Variants in ATP9A observed in about 807,000 individuals in gnomAD.
The protein encoded by ATP9A is ATPase phospholipid transporting 9A.
ATP9A carries 52 observed loss-of-function variants against 144.1 expected under a neutral mutation model. That is an observed-to-expected ratio of 0.36 (90% CI 0.29 to 0.45). ATP9A has a LOEUF of 0.45. Among genes scored for constraint, ATP9A ranks in the 20% least tolerant of loss-of-function variants. ATP9A has a pLI of 1.00. For missense variants in ATP9A, 947 were observed against 1,392.7 expected (o/e 0.68, Z 5.09); for synonymous variants, 582 against 557.4 (o/e 1.04, Z -0.62).
At chr20:51,695,989 G>A in intron 6 of ATP9A, 104 bp downstream of exon 6, 4 of 1,071,462 alleles carry the variant, frequency 3.7e-6, no homozygotes, top group Non-Finnish European at 5.6e-6. Flanking sequence ...TGCCTCCATG[G>A]CTCCAAAATG....
chr20:51,639,587 G>A, intron 14 of ATP9A, 83 bp from the exon 15 acceptor site: 1 of 1,409,054 alleles, frequency 7.1e-7, no homozygotes, highest in Non-Finnish European at 9.6e-7. Flanking sequence ...AAAGGCAGAA[G>A]GGGGCTCAGA....
chr20:51,659,719 A>G (rs1158051360), intron 13 of ATP9A, among the ~76,000 whole-genome samples: 1 of 152,250 alleles, frequency 6.6e-6, no homozygotes. Context: ...TGCCCAAAAT[A>G]GAGAACAGAT....
At chr20:51,636,111 T>C (rs915980653) in intron 15 of ATP9A, among the ~76,000 whole-genome samples, 1 of 152,040 alleles carries the variant, frequency 6.6e-6, no homozygotes, top group African/African-American at 2.4e-5. Context: ...TATAACAAAA[T>C]AGAACACATA....
chr20:51,656,666 T>C (rs1420542848), intron 14 of ATP9A, among the ~76,000 whole-genome samples: 2 of 152,216 alleles, frequency 1.3e-5, no homozygotes, highest in East Asian at 1.9e-4. Flanking sequence ...GTATGTGGTT[T>C]AAATGGGACC....
At chr20:51,746,336 T>C (rs531930613) in intron 1 of ATP9A, among the ~76,000 whole-genome samples, 1 of 152,366 alleles carries the variant, frequency 6.6e-6, no homozygotes, top group South Asian at 2.1e-4. Context: ...ATTTTTTATT[T>C]CATTCACTTA....
chr20:51,734,277 T>A (rs568271291), intron 1 of ATP9A, among the ~76,000 whole-genome samples: 1 of 152,072 alleles, frequency 6.6e-6, no homozygotes, highest in African/African-American at 2.4e-5. Flanking sequence ...GCCACCCCAC[T>A]CAGCCCCTCC....
chr20:51,688,607 A>G (rs201453286), intron 9 of ATP9A, among the ~76,000 whole-genome samples: 5 of 88,850 alleles, frequency 5.6e-5, no homozygotes, highest in African/African-American at 1.5e-4. Context: ...AAGAGAAAAG[A>G]AAAAAAAAGA....
rs118014474 is a variant in ATP9A at position 51,689,411 on chromosome 20, G to A, written c.724-272C>T. Among the ~76,000 whole-genome samples, 1,343 of 152,236 alleles carry A rather than the reference G, an allele frequency of 8.8e-3. 14 individuals are homozygous for A. The highest frequency in any genetic ancestry group is 9.9e-3 in the Non-Finnish European group (676 of 68,032). On this transcript the variant is annotated intron_variant, in intron 8 of 27. Coordinates refer to ENST00000338821, the MANE Select transcript of ATP9A (RefSeq NM_006045.3). ...TTAGCACTGAAAAATGTTTTATGAG[G>A]TTAAGAATCAAAACGTAAAAGCAAA...
chr20:51,647,913 C>T (rs1326042651), intron 14 of ATP9A, among the ~76,000 whole-genome samples: 1 of 152,140 alleles, frequency 6.6e-6, no homozygotes, highest in Admixed American at 6.5e-5. Context: ...CAAACAGCCC[C>T]CGCTGTCTTC....
intron 4 of ATP9A, among the ~76,000 whole-genome samples, chr20:51,708,735 CAATAAATAAACAAATA>C (rs918173619): frequency 2.3e-4 from 35 of 152,060 alleles, no homozygotes; most frequent in African/African-American, 8.5e-4. Context: ...GACTCCGTCT[CAATAAATAAACAAATA>C]AATAAATAAA....
intron 1 of ATP9A, chr20:51,734,902 T>A: frequency 4.6e-6 from 1 of 216,170 alleles, no homozygotes; most frequent in Non-Finnish European, 9.9e-6. Context: ...CTTGCCTACA[T>A]TGCCCACTCC....
At position 51,601,208 on chromosome 20, in the gene ATP9A, G is replaced by A. The variant is rs559516604; in HGVS notation, c.*3C>T. ...CCAGGGCCCCCTCCAGCGAACGCAC[G>A]GCCTATGATGTGAGCTTTGAGTAGC... is the stretch of plus-strand genomic sequence containing the variant. On this transcript the variant is annotated 3_prime_UTR_variant, in exon 28 of 28. Coordinates refer to ENST00000338821, the MANE Select transcript of ATP9A (RefSeq NM_006045.3). 25 of 1,600,040 alleles carry A rather than the reference G, an allele frequency of 1.6e-5. No homozygotes were observed. The East Asian group carries it at 1.8e-4, about 12-fold the overall frequency.
In ATP9A at chr20:51,625,243, C is replaced by A. The variant is rs200803683; in HGVS notation, c.1965G>T (p.Leu655=). The A allele has an allele frequency of 8.7e-6, 14 of 1,614,128 alleles. No homozygotes were observed. Among genetic ancestry groups the A allele is most frequent in the Non-Finnish European group, 1.2e-5 (14 of 1,180,024 alleles). ...LLCLTGVEDQ[L]QADVRPTLET... ...CCAGCGTGGGCCGCACATCTGCCTG[C>A]AGCTGGTCCTCCACGCCCGTCAGGC... is the stretch of plus-strand genomic sequence containing the variant. Residue 655 remains leucine (L), a synonymous_variant, in exon 18 of 28, where the codon CTG becomes CTT. Transcript: ENST00000338821.
chr20:51,670,519 T>C (rs1601094420), intron 12 of ATP9A, among the ~76,000 whole-genome samples: 1 of 152,234 alleles, frequency 6.6e-6, no homozygotes, highest in African/African-American at 2.4e-5. Context: ...GTCCTAATGC[T>C]GACTTAACCA....
At chr20:51,662,211 C>T (rs899772891) in intron 13 of ATP9A, among the ~76,000 whole-genome samples, 1 of 152,196 alleles carries the variant, frequency 6.6e-6, no homozygotes, top group Non-Finnish European at 1.5e-5. Context: ...TTTAAAATTT[C>T]AATATACTGT....
chr20:51,618,244 T>A (rs1417986257), intron 21 of ATP9A, among the ~76,000 whole-genome samples: 1 of 151,478 alleles, frequency 6.6e-6, no homozygotes, highest in Middle Eastern at 3.2e-3. Context: ...GGTGACCCCT[T>A]TTAGTCTTCA....
At chr20:51,729,409 C>A (rs2077730070) in intron 2 of ATP9A, among the ~76,000 whole-genome samples, 1 of 139,246 alleles carries the variant, frequency 7.2e-6, no homozygotes, top group Non-Finnish European at 1.5e-5. Context: ...ACTAAGGTGG[C>A]ACAGAAAAGT....
At chr20:51,728,861 T>C (rs1347112612) in intron 2 of ATP9A, among the ~76,000 whole-genome samples, 1 of 151,814 alleles carries the variant, frequency 6.6e-6, no homozygotes, top group Admixed American at 6.6e-5. Context: ...ATTATGTTCC[T>C]TTCTGCATTG....
At chr20:51,685,026 A>T (rs1170073252) in intron 9 of ATP9A, among the ~76,000 whole-genome samples, 71 of 151,698 alleles carry the variant, frequency 4.7e-4, no homozygotes, top group African/African-American at 9.6e-4. Context: ...ATAAAAAAAA[A>T]AAAAAAAAAA....
Sources: gnomAD v4.1 joint callset for allele counts (sites outside exome capture counted in the v4.1 genomes callset) on GRCh38, gnomAD v4.1.1 for gene constraint, MANE v1.5 for transcripts, NCBI Gene and HGNC (gene_info 2026-07-23, HGNC 2026-07-21) for gene names.